CR1: variants seen among roughly 807,000 people sequenced by gnomAD.
The protein encoded by CR1 is complement receptor type 1.
Under a neutral mutation model 187.3 loss-of-function variants are expected in CR1, and 116 were observed. The ratio of observed to expected loss-of-function variants is 0.62; its 90% CI spans 0.53 to 0.72. The LOEUF is 0.72. Ranked by LOEUF, CR1 falls within the 30% of genes least tolerant of loss-of-function variation. CR1 has a pLI of 0.00. For missense variants in CR1, 1,731 were observed against 2,110.7 expected, an observed-to-expected ratio of 0.82 and a Z score of 3.52; for synonymous variants, 576 against 747.1, an observed-to-expected ratio of 0.77 and a Z score of 3.73.
At chr1:207,586,341 G>T (rs1486193501) in intron 33 of CR1, among the ~76,000 whole-genome samples, 1 of 152,104 alleles carries the variant, frequency 6.6e-6, no homozygotes, top group Non-Finnish European at 1.5e-5. Flanking sequence ...TCATCATGTT[G>T]CCCAGGCTGG....
At chr1:207,597,141 A>C (rs1013456068) in intron 35 of CR1, among the ~76,000 whole-genome samples, 4 of 151,324 alleles carry the variant, frequency 2.6e-5, no homozygotes, top group African/African-American at 7.3e-5. Flanking sequence ...TACAAAAAAA[A>C]AAACAAACTC....
rs1181867961 is a variant in CR1, at chr1:207,578,135, A to G, written c.4868A>G (p.Lys1623Arg). The G allele has an allele frequency of 6.2e-6, 10 of 1,611,708 alleles. No individual in the cohort carries two copies. Among genetic ancestry groups the G allele is most frequent in the Admixed American group, 5.0e-5 (3 of 60,002 alleles). Reference protein sequence around the residue: ...EFRCQPGFVMKGPRRVKCQAL... With the variant: ...EFRCQPGFVMRGPRRVKCQAL... Reference sequence around the variant, plus strand: ...AGGTGTCAGCCTGGCTTTGTCATGAAAGGACCCCGCCGTGTGAAGTGCCAG... The same window carrying G: ...AGGTGTCAGCCTGGCTTTGTCATGAGAGGACCCCGCCGTGTGAAGTGCCAG... Residue 1623 changes from lysine (K) to arginine (R), a missense_variant, in exon 29 of 47, where the codon AAA becomes AGA. By Grantham distance (26) the Lys-to-Arg change is conservative. Transcript: ENST00000367049.
At chr1:207,500,802 A>G (rs1257260943) in intron 1 of CR1, among the ~76,000 whole-genome samples, 1 of 152,258 alleles carries the variant, frequency 6.6e-6, no homozygotes, top group Non-Finnish European at 1.5e-5. Flanking sequence ...GTCCACACAA[A>G]GACTTGTACA....
intron 42 of CR1, among the ~76,000 whole-genome samples, chr1:207,619,491 T>C (rs1272019988): frequency 6.6e-6 from 1 of 152,186 alleles, no homozygotes; most frequent in Non-Finnish European, 1.5e-5. Flanking sequence ...ATTATGCATT[T>C]AATAAAGAGC....
At chr1:207,598,618 C>T (rs866409150) in intron 35 of CR1, among the ~76,000 whole-genome samples, 2 of 152,100 alleles carry the variant, frequency 1.3e-5, no homozygotes, top group African/African-American at 4.8e-5. Flanking sequence ...CAGGGTTTCA[C>T]CATGTTGGCC....
chr1:207,632,722 C>T (rs1166562052), intron 46 of CR1, among the ~76,000 whole-genome samples: 1 of 145,708 alleles, frequency 6.9e-6, no homozygotes, highest in Non-Finnish European at 1.5e-5. Context: ...GGCGTGAGCC[C>T]GGGAGGCGGA....
intron 45 of CR1, among the ~76,000 whole-genome samples, chr1:207,623,492 T>C (rs1192548019): frequency 6.6e-6 from 1 of 151,644 alleles, no homozygotes; most frequent in Non-Finnish European, 1.5e-5. Context: ...GGTTGAAGCA[T>C]GAGAATTGCT....
intron 4 of CR1, among the ~76,000 whole-genome samples, chr1:207,512,083 C>T (rs1161744043): frequency 6.6e-6 from 1 of 152,158 alleles, no homozygotes; most frequent in Non-Finnish European, 1.5e-5. Flanking sequence ...GCACTATAAA[C>T]CTCAGAAGTG....
rs746987539 is a variant in CR1 at position 207,614,390 on chromosome 1, T to A, written c.6576-14T>A. ...AATTGCTCACACATTTGCTACCACTTTTTTTTTCTTTAGGTTCCGATTAAA... is the reference window on the plus strand; with the variant it reads ...AATTGCTCACACATTTGCTACCACTATTTTTTTCTTTAGGTTCCGATTAAA... On this transcript the variant is annotated splice_polypyrimidine_tract_variant and intron_variant, in intron 39 of 46. Coordinates refer to ENST00000367049, the MANE Select transcript of CR1 (RefSeq NM_000651.6). The A allele has an allele frequency of 6.2e-7, 1 of 1,604,344 alleles. No homozygotes were observed. The highest frequency in any genetic ancestry group is 8.5e-7 in the Non-Finnish European group (1 of 1,173,416).
At chr1:207,512,320 C>T (rs1029751693) in intron 4 of CR1, among the ~76,000 whole-genome samples, 4 of 151,994 alleles carry the variant, frequency 2.6e-5, no homozygotes, top group Non-Finnish European at 5.9e-5. Context: ...AACAGCTATG[C>T]AGAATGAAAA....
At chr1:207,588,627 G>C (rs752155095) in intron 34 of CR1, 48 bp from the exon 35 acceptor site, 1 of 1,279,468 alleles carries the variant, frequency 7.8e-7, no homozygotes, top group Admixed American at 1.8e-5. Flanking sequence ...ACCTTACAAA[G>C]GTAAGTTGAA....
At position 207,588,661 on chromosome 1, in the gene CR1, G is replaced by C. The variant is rs773576302; in HGVS notation, c.5711-14G>C. Reference sequence around the variant, plus strand: ...AACTCTATATTTAATCCCAAATTCTGCTTCTTCCCCTAGGAAAATCATGTG... The same window carrying C: ...AACTCTATATTTAATCCCAAATTCTCCTTCTTCCCCTAGGAAAATCATGTG... On this transcript the variant is annotated splice_polypyrimidine_tract_variant and intron_variant, in intron 34 of 46. Transcript: ENST00000367049. The C allele has an allele frequency of 6.3e-7, 1 of 1,583,508 alleles. No homozygotes were observed. Among genetic ancestry groups the C allele is most frequent in the Non-Finnish European group, 8.7e-7 (1 of 1,153,562 alleles).
At chr1:207,524,909 T>C (rs1214064958) in intron 5 of CR1, among the ~76,000 whole-genome samples, 1 of 152,030 alleles carries the variant, frequency 6.6e-6, no homozygotes, top group African/African-American at 2.4e-5. Flanking sequence ...AAAAAACTAC[T>C]TGAGCCTGGG....
intron 27 of CR1, among the ~76,000 whole-genome samples, chr1:207,573,897 T>C (rs1660653506): frequency 6.6e-6 from 1 of 152,128 alleles, no homozygotes; most frequent in Non-Finnish European, 1.5e-5. Flanking sequence ...ACTGAGAGGC[T>C]GAGGCAAGAG....
At chr1:207,510,724 C>CCTTCCTTCCTTCCTT (rs1659582826) in intron 3 of CR1, among the ~76,000 whole-genome samples, 3 of 89,984 alleles carry the variant, frequency 3.3e-5, no homozygotes, top group South Asian at 1.2e-3. Context: ...GTTATGTATC[C>CCTTCCTTCCTTCCTT]CCTTCCTTCC....
At position 207,628,420 on chromosome 1, in the gene CR1, A is replaced by AT. The variant is rs1398577979; in HGVS notation, c.7353-2097_7353-2096insT. Among the ~76,000 whole-genome samples, 26 of 152,370 alleles carry AT rather than the reference A, an allele frequency of 1.7e-4. No individual in the cohort carries two copies. In the South Asian group the frequency reaches 5.4e-3, roughly 32 times the overall value. On this transcript the variant is annotated intron_variant, in intron 45 of 46. Transcript: ENST00000367049. ...GAGTAGAAATGGTTAATGTATCTAC[A>AT]AAAAGAGTTAACATGTTTATTTATA...
intron 1 of CR1, among the ~76,000 whole-genome samples, chr1:207,505,571 C>T (rs1289572320): frequency 6.6e-6 from 1 of 152,020 alleles, no homozygotes; most frequent in Non-Finnish European, 1.5e-5. Flanking sequence ...CACGGTGGCT[C>T]ACTCCTGTAA....
chr1:207,609,068 AC>A (rs1196458249), intron 36 of CR1, among the ~76,000 whole-genome samples: 6 of 151,838 alleles, frequency 4.0e-5, no homozygotes, highest in East Asian at 1.9e-4. Flanking sequence ...ACCCAAAAAA[AC>A]ATGGATTTTT....
intron 46 of CR1, among the ~76,000 whole-genome samples, chr1:207,631,795 A>G (rs1219957572): frequency 1.3e-5 from 2 of 152,236 alleles, no homozygotes; most frequent in East Asian, 1.9e-4. Context: ...ATTTTCAGGA[A>G]TAAGATCACC....
Sources: allele counts gnomAD v4.1 joint callset (sites outside exome capture counted in the v4.1 genomes callset), GRCh38; gene constraint gnomAD v4.1.1; transcripts MANE v1.5; gene names NCBI Gene and HGNC (gene_info 2026-07-23, HGNC 2026-07-21).